The following CADM2 variants were observed in gnomAD, a reference collection of about 807,000 sequenced individuals.
CADM2 encodes immunoglobulin superfamily member 4D.
In CADM2, 12 loss-of-function variants were observed where a neutral mutation model predicts 49.8. The ratio of observed to expected loss-of-function variants is 0.24; its 90% confidence interval spans 0.15 to 0.39. CADM2 has a LOEUF of 0.39. Ranked by LOEUF, CADM2 falls within the 10% of genes least tolerant of loss-of-function variation. The pLI is 1.00. For synonymous variants in CADM2, 214 were observed against 175.4 expected (o/e 1.22, Z -1.74); for missense variants, 378 against 492.3 (o/e 0.77, Z 2.20).
chr3:85,515,631 A>ATATATATATTT lies in CADM2; in HGVS notation c.62-210890_62-210889insATATATATTTT, dbSNP rs1159969286. 4.8e-4 allele frequency among the ~76,000 whole-genome samples: 57 copies of ATATATATATTT among 118,398 alleles called. 1 individual carries two copies. The highest frequency in any genetic ancestry group is 4.2e-3 in the South Asian group (13 of 3,088). 77.7% of individuals were successfully genotyped at this position (118,398 alleles called of 152,430 possible). On this transcript the variant is annotated intron_variant, in intron 1 of 9. Coordinates refer to ENST00000383699, the MANE Select transcript of CADM2 (RefSeq NM_001167675.2). ...CACTAATATATATATATATATATAT[A>ATATATATATTT]TTTTTTTTTTTTGTATCTTTAGTAG...
At chr3:85,710,365 C>A in intron 1 of CADM2, among the ~76,000 whole-genome samples, 1 of 151,630 alleles carries the variant, frequency 6.6e-6, no homozygotes, top group Admixed American at 6.6e-5. Flanking sequence ...TTTTTTTTTC[C>A]CAGACAATAA....
At position 85,245,510 on chromosome 3, in the gene CADM2, CA is replaced by C. The variant is rs397732524; in HGVS notation, c.61+285854del. ...CTGGCGACAGATTGAGGCTCTGTCT[CA>C]AAAAAAAAAAAGATAATAATAATTA... On this transcript the variant is annotated intron_variant, in intron 1 of 9. Transcript: ENST00000383699. 6.6e-3 allele frequency among the ~76,000 whole-genome samples: 891 copies of C among 135,052 alleles called. 8 individuals carry two copies. Among genetic ancestry groups the C allele is most frequent in the African/African-American group, 0.019 (729 of 37,474 alleles). 88.6% of individuals were successfully genotyped at this position (135,052 alleles called of 152,430 possible).
At chr3:85,418,421 T>C (rs1340734165) in intron 1 of CADM2, among the ~76,000 whole-genome samples, 2 of 152,260 alleles carry the variant, frequency 1.3e-5, no homozygotes, top group Non-Finnish European at 2.9e-5. Flanking sequence ...TCAATTTTTC[T>C]ATTAACCTAA....
intron 1 of CADM2, among the ~76,000 whole-genome samples, chr3:85,101,877 A>G (rs777676061): frequency 6.6e-6 from 1 of 152,136 alleles, no homozygotes; most frequent in South Asian, 2.1e-4. Flanking sequence ...ATCACAGTTG[A>G]TGTCAAGGCA....
At chr3:85,419,473 AT>A (rs1355151854) in intron 1 of CADM2, among the ~76,000 whole-genome samples, 2 of 143,448 alleles carry the variant, frequency 1.4e-5, no homozygotes, top group African/African-American at 5.1e-5. Flanking sequence ...AAAAAAAAAA[AT>A]TGCAGTGAAA....
At chr3:85,317,414 A>G (rs146349042) in intron 1 of CADM2, among the ~76,000 whole-genome samples, 163 of 152,276 alleles carry the variant, frequency 1.1e-3, no homozygotes, top group African/African-American at 3.9e-3. Flanking sequence ...TAATGTGTAG[A>G]CTATATAAGG....
chr3:85,924,307 T>G lies in CADM2; in HGVS notation c.701-11460T>G, dbSNP rs140826621. Among the ~76,000 whole-genome samples the G allele has an allele frequency of 7.3e-3, 1,104 of 152,162 alleles. 21 individuals carry two copies. The highest frequency in any genetic ancestry group is 0.022 in the African/African-American group (929 of 41,530). ...TAGAGTCAACAGTTATAAAAATGTA[T>G]GGACTGGCACAGTGGTTCACGCTTG... On this transcript the variant is annotated intron_variant, in intron 6 of 9. Coordinates refer to ENST00000383699, the MANE Select transcript of CADM2 (RefSeq NM_001167675.2).
chr3:85,595,035 C>T (rs2063203380), intron 1 of CADM2, among the ~76,000 whole-genome samples: 1 of 152,010 alleles, frequency 6.6e-6, no homozygotes. Context: ...ATTTTCAAAT[C>T]TGCTTTCAAG....
intron 1 of CADM2, among the ~76,000 whole-genome samples, chr3:85,209,052 A>G (rs1431331075): frequency 6.6e-6 from 1 of 152,196 alleles, no homozygotes; most frequent in Non-Finnish European, 1.5e-5. Flanking sequence ...GAAGACTTTC[A>G]TTCTGGAAAC....
intron 1 of CADM2, among the ~76,000 whole-genome samples, chr3:85,561,954 G>A (rs1421262098): frequency 6.6e-6 from 1 of 152,054 alleles, no homozygotes; most frequent in Non-Finnish European, 1.5e-5. Context: ...ATTTGGTAAG[G>A]AGATGAAAAT....
At chr3:84,994,902 C>A (rs1175734141) in intron 1 of CADM2, among the ~76,000 whole-genome samples, 1 of 151,854 alleles carries the variant, frequency 6.6e-6, no homozygotes, top group Non-Finnish European at 1.5e-5. Context: ...GTGGTGTGCA[C>A]CTGTAACCCA....
chr3:85,631,218 C>T (rs966609674), intron 1 of CADM2, among the ~76,000 whole-genome samples: 4 of 152,006 alleles, frequency 2.6e-5, no homozygotes, highest in African/African-American at 9.7e-5. Flanking sequence ...AAAACTCTAC[C>T]TGAACTATCT....
intron 8 of CADM2, among the ~76,000 whole-genome samples, chr3:85,981,028 C>T (rs1386896469): frequency 1.3e-5 from 2 of 151,292 alleles, no homozygotes; most frequent in East Asian, 1.9e-4. Context: ...TCTCCCCACC[C>T]CCAACAAACA....
intron 1 of CADM2, among the ~76,000 whole-genome samples, chr3:85,523,005 A>G (rs938665461): frequency 6.6e-6 from 1 of 152,070 alleles, no homozygotes; most frequent in Non-Finnish European, 1.5e-5. Flanking sequence ...AAAAAAAAAA[A>G]AAAAGAAAAC....
chr3:85,614,717 T>C (rs1489963270), intron 1 of CADM2, among the ~76,000 whole-genome samples: 2 of 151,830 alleles, frequency 1.3e-5, no homozygotes, highest in African/African-American at 2.4e-5. Context: ...AATTCCAAAG[T>C]CCTACACACA....
At chr3:85,697,918 T>G (rs2066620988) in intron 1 of CADM2, among the ~76,000 whole-genome samples, 1 of 152,208 alleles carries the variant, frequency 6.6e-6, no homozygotes, top group South Asian at 2.1e-4. Flanking sequence ...GTGTGTGTGT[T>G]TTGCTGGGGA....
intron 5 of CADM2, among the ~76,000 whole-genome samples, chr3:85,887,148 T>TA (rs1713775144): frequency 6.6e-6 from 1 of 152,084 alleles, no homozygotes; most frequent in African/African-American, 2.4e-5. Context: ...AATGCAGTGA[T>TA]ACGATCATAG....
At chr3:85,850,246 A>G (rs1438086901) in intron 3 of CADM2, among the ~76,000 whole-genome samples, 1 of 151,922 alleles carries the variant, frequency 6.6e-6, no homozygotes, top group Non-Finnish European at 1.5e-5. Context: ...GTTATGGTAC[A>G]TAAAAAACCA....
At chr3:85,537,740 C>A (rs2061457237) in intron 1 of CADM2, among the ~76,000 whole-genome samples, 1 of 121,198 alleles carries the variant, frequency 8.3e-6, no homozygotes, top group Non-Finnish European at 1.9e-5. Flanking sequence ...CTTCTGAGGA[C>A]AATGGGATTC....
Sources: allele counts gnomAD v4.1 joint callset (sites outside exome capture counted in the v4.1 genomes callset), GRCh38; gene constraint gnomAD v4.1.1; transcripts MANE v1.5; gene names NCBI Gene and HGNC (gene_info 2026-07-23, HGNC 2026-07-21).